The following CNTNAP2 variants were observed in gnomAD, a reference collection of about 807,000 sequenced individuals.
CNTNAP2 encodes contactin-associated protein-like 2.
Under a neutral mutation model 155.2 loss-of-function variants are expected in CNTNAP2, and 98 were observed. The ratio of observed to expected loss-of-function variants is 0.63; its 90% CI spans 0.54 to 0.75. The LOEUF is 0.75. Ranked by LOEUF, CNTNAP2 falls within the 30% of genes least tolerant of loss-of-function variation. The pLI is 0.00. For missense variants in CNTNAP2, 1,727 were observed against 1,688.1 expected, an observed-to-expected ratio of 1.02 and a Z score of -0.40; for synonymous variants, 651 against 631.2, an observed-to-expected ratio of 1.03 and a Z score of -0.47.
intron 9 of CNTNAP2, among the ~76,000 whole-genome samples, chr7:147,370,416 G>C (rs977237846): frequency 2.6e-5 from 4 of 152,160 alleles, no homozygotes; most frequent in African/African-American, 9.7e-5. Context: ...ACTTGCAGTG[G>C]TGTGCTGGAG....
intron 1 of CNTNAP2, among the ~76,000 whole-genome samples, chr7:146,553,398 G>A (rs563006718): frequency 2.6e-5 from 4 of 151,660 alleles, no homozygotes; most frequent in East Asian, 1.9e-4. Context: ...AGTTTCTATC[G>A]GTACCTTTAT....
At position 146,456,235 on chromosome 7, in the gene CNTNAP2, C is replaced by G. The variant is rs552912932; in HGVS notation, c.98-318036C>G. On this transcript the variant is annotated intron_variant, in intron 1 of 23. Transcript: ENST00000361727. ...GATTTCCAAAATCAAAAGTAAGATA[C>G]TTTAGGTATGTATGTATATATGTAT... Among the ~76,000 whole-genome samples, 267 of 152,138 alleles carry G rather than the reference C, an allele frequency of 1.8e-3. 1 individual carries two copies. The highest frequency in any genetic ancestry group is 5.7e-3 in the African/African-American group (236 of 41,504).
chr7:147,412,965 G>GT (rs1269367781), intron 10 of CNTNAP2, among the ~76,000 whole-genome samples: 1 of 152,150 alleles, frequency 6.6e-6, no homozygotes, highest in Non-Finnish European at 1.5e-5. Flanking sequence ...CATGTTTGTG[G>GT]TTAAGTGTAC....
Position 146,173,073 on chromosome 7 carries a change from A to G in CNTNAP2, c.97+56100A>G, listed in dbSNP as rs967667993. 8.5e-5 allele frequency among the ~76,000 whole-genome samples: 13 copies of G among 152,254 alleles called. No individual in the cohort carries two copies. The South Asian group carries it at 1.5e-3, about 17-fold the overall frequency. On this transcript the variant is annotated intron_variant, in intron 1 of 23. Transcript: ENST00000361727. ...TGATATAATCCTATCTGCTTTCACAAGATTCTAAATGTTCAAATCTCCTCA... is the reference window on the plus strand; with the variant it reads ...TGATATAATCCTATCTGCTTTCACAGGATTCTAAATGTTCAAATCTCCTCA...
intron 10 of CNTNAP2, among the ~76,000 whole-genome samples, chr7:147,441,208 T>C (rs1421352192): frequency 6.6e-6 from 1 of 151,996 alleles, no homozygotes; most frequent in Admixed American, 6.6e-5. Context: ...TTAAGCTCAT[T>C]CTTTCTTCTG....
At chr7:146,963,648 C>CCTAAATATATT (rs1797598503) in intron 3 of CNTNAP2, among the ~76,000 whole-genome samples, 1 of 151,782 alleles carries the variant, frequency 6.6e-6, no homozygotes, top group African/African-American at 2.4e-5. Flanking sequence ...ATATATTCAG[C>CCTAAATATATT]CAGATTTAAA....
chr7:147,896,368 CAG>C (rs1386950337), intron 13 of CNTNAP2, among the ~76,000 whole-genome samples: 1 of 152,176 alleles, frequency 6.6e-6, no homozygotes, highest in African/African-American at 2.4e-5. Context: ...GCTGCCTAGA[CAG>C]AGTCGATTCA....
chr7:147,717,290 C>A (rs1209414083), intron 13 of CNTNAP2, among the ~76,000 whole-genome samples: 2 of 152,140 alleles, frequency 1.3e-5, no homozygotes, highest in East Asian at 1.9e-4. Context: ...GCAGAAGGCA[C>A]ACACTAATTC....
chr7:146,721,687 CTATA>C (rs72426559), intron 1 of CNTNAP2, among the ~76,000 whole-genome samples: 10 of 112,700 alleles, frequency 8.9e-5, no homozygotes, highest in Non-Finnish European at 1.6e-4. Flanking sequence ...TATATACATT[CTATA>C]TATATATTCT....
At chr7:146,834,203 T>A (rs527349315) in intron 2 of CNTNAP2, among the ~76,000 whole-genome samples, 12 of 152,232 alleles carry the variant, frequency 7.9e-5, no homozygotes, top group Admixed American at 5.9e-4. Flanking sequence ...CAACAGAAAC[T>A]CCATGGCCTC....
intron 1 of CNTNAP2, among the ~76,000 whole-genome samples, chr7:146,226,928 G>A (rs1799301814): frequency 1.3e-5 from 2 of 152,054 alleles, no homozygotes; most frequent in South Asian, 2.1e-4. Flanking sequence ...TTTAAGAAAT[G>A]TTACTTTTGA....
chr7:148,055,085 T>G (rs886447116), intron 15 of CNTNAP2, among the ~76,000 whole-genome samples: 1 of 151,938 alleles, frequency 6.6e-6, no homozygotes, highest in Non-Finnish European at 1.5e-5. Flanking sequence ...GGTTTTACCA[T>G]GTTGGCCAGG....
chr7:147,965,880 G>A (rs12534783), intron 14 of CNTNAP2, among the ~76,000 whole-genome samples: 35,972 of 152,034 alleles, frequency 0.24, 5,475 homozygotes, highest in East Asian at 0.56. Flanking sequence ...AGCTGAGGTG[G>A]TGTGCCTTTT....
chr7:146,315,010 C>G (rs985105158), intron 1 of CNTNAP2, among the ~76,000 whole-genome samples: 1 of 152,196 alleles, frequency 6.6e-6, no homozygotes, highest in Non-Finnish European at 1.5e-5. Flanking sequence ...GACTGCAGGG[C>G]TGGGATTAGC....
At chr7:147,928,519 G>T (rs117620764) in intron 14 of CNTNAP2, among the ~76,000 whole-genome samples, 26 of 152,280 alleles carry the variant, frequency 1.7e-4, no homozygotes, top group Non-Finnish European at 3.4e-4. Context: ...TTAAAGCGAT[G>T]AATTGTCTTG....
At chr7:147,385,685 C>T (rs1056896066) in intron 9 of CNTNAP2, among the ~76,000 whole-genome samples, 5 of 152,310 alleles carry the variant, frequency 3.3e-5, no homozygotes, top group African/African-American at 1.2e-4. Flanking sequence ...AAGGTATAGC[C>T]CCCTTCCTGG....
intron 10 of CNTNAP2, among the ~76,000 whole-genome samples, chr7:147,403,525 ACCT>A (rs2116472393): frequency 6.6e-6 from 1 of 152,272 alleles, no homozygotes; most frequent in African/African-American, 2.4e-5. Context: ...AGCAGACAGT[ACCT>A]CCTGGGACTG....
At position 146,279,884 on chromosome 7, in the gene CNTNAP2, TA is replaced by T. The variant is rs561881109; in HGVS notation, c.97+162918del. ...GGATATTAGACATCTAAAACAAACTTAAAAAAATATATAATGTAGAAAAAAG... is the reference window on the plus strand; with the variant it reads ...GGATATTAGACATCTAAAACAAACTTAAAAAATATATAATGTAGAAAAAAG... On this transcript the variant is annotated intron_variant, in intron 1 of 23. Transcript: ENST00000361727. Among the ~76,000 whole-genome samples the T allele has an allele frequency of 2.1e-3, 322 of 151,558 alleles. 3 individuals carry two copies. The highest frequency in any genetic ancestry group is 7.1e-3 in the African/African-American group (294 of 41,456).
intron 9 of CNTNAP2, among the ~76,000 whole-genome samples, chr7:147,383,344 AT>A (rs1554477545): frequency 6.6e-6 from 1 of 152,184 alleles, no homozygotes; most frequent in Non-Finnish European, 1.5e-5. Flanking sequence ...TTTTATCACT[AT>A]TTTCAGACTT....
Sources: gnomAD v4.1 joint callset for allele counts (sites outside exome capture counted in the v4.1 genomes callset) on GRCh38, gnomAD v4.1.1 for gene constraint, MANE v1.5 for transcripts, NCBI Gene and HGNC (gene_info 2026-07-23, HGNC 2026-07-21) for gene names.